Variants in NUGGC observed in about 807,000 individuals in gnomAD.
NUGGC encodes nuclear GTPase, germinal center associated.
Under a neutral mutation model 92.6 loss-of-function variants are expected in NUGGC, and 58 were observed. That is an observed-to-expected ratio of 0.63 (90% CI 0.51 to 0.78). The LOEUF is 0.78. NUGGC is among the 30% of genes least tolerant of loss of function. NUGGC has a pLI of 0.00. For missense variants in NUGGC, 925 were observed against 964.6 expected, an observed-to-expected ratio of 0.96 and a Z score of 0.54; for synonymous variants, 376 against 366.4, an observed-to-expected ratio of 1.03 and a Z score of -0.30.
chr8:28,065,675 G>A (rs1161913534), intron 6 of NUGGC, among the ~76,000 whole-genome samples: 1 of 152,094 alleles, frequency 6.6e-6, no homozygotes, highest in African/African-American at 2.4e-5. Flanking sequence ...GAGGACAGGG[G>A]ATTTGGGATG....
chr8:28,048,743 G>A (rs1275895043), intron 10 of NUGGC, among the ~76,000 whole-genome samples: 1 of 151,676 alleles, frequency 6.6e-6, no homozygotes, highest in Non-Finnish European at 1.5e-5. Flanking sequence ...CGCACTTGTA[G>A]TCGCAGCTAC....
At chr8:28,058,313 T>C (rs4336563) in intron 8 of NUGGC, 37 bp from the exon 9 acceptor site, 431,968 of 434,576 alleles carry the variant, frequency 0.99, 214,739 homozygotes, top group South Asian at 1. Context: ...AATTACTTAA[T>C]TTTTACTATG....
At chr8:28,056,091 A>G (rs758606680) in intron 9 of NUGGC, 37 bp from the exon 10 acceptor site, 5 of 1,223,222 alleles carry the variant, frequency 4.1e-6, no homozygotes, top group Middle Eastern at 3.8e-4. Context: ...TGCAGAGAGT[A>G]GCGTTATCAA....
chr8:28,069,258 G>T (rs1810524539), intron 4 of NUGGC, among the ~76,000 whole-genome samples: 1 of 152,072 alleles, frequency 6.6e-6, no homozygotes, highest in African/African-American at 2.4e-5. Context: ...TCACATCTGG[G>T]CCTCTCTGAG....
intron 1 of NUGGC, among the ~76,000 whole-genome samples, chr8:28,082,027 G>C (rs1810864168): frequency 6.6e-6 from 1 of 152,178 alleles, no homozygotes; most frequent in Admixed American, 6.5e-5. Context: ...CTTTGAGTTT[G>C]GGTTTAGGTT....
intron 18 of NUGGC, 61 bp downstream of exon 18, chr8:28,026,901 A>T (rs1188821670): frequency 9.8e-6 from 11 of 1,123,994 alleles, no homozygotes; most frequent in Non-Finnish European, 1.5e-5. Flanking sequence ...TTCAGGAAGG[A>T]GTAACCACAG....
At chr8:28,075,968 C>G (rs1346386236) in intron 1 of NUGGC, among the ~76,000 whole-genome samples, 1 of 152,244 alleles carries the variant, frequency 6.6e-6, no homozygotes, top group Non-Finnish European at 1.5e-5. Context: ...CCCTTCCCTT[C>G]TTCTCGCAGG....
intron 9 of NUGGC, among the ~76,000 whole-genome samples, 177 bp downstream of exon 9, chr8:28,058,081 A>G (rs1284567865): frequency 6.6e-6 from 1 of 151,900 alleles, no homozygotes; most frequent in Non-Finnish European, 1.5e-5. Context: ...AATCCCAGCT[A>G]CTCTGGAGGC....
chr8:28,033,794 C>T, intron 13 of NUGGC, 97 bp from the exon 14 acceptor site: 1 of 1,036,970 alleles, frequency 9.6e-7, no homozygotes, highest in South Asian at 1.4e-5. Flanking sequence ...TACCAAGAAT[C>T]ACAGGAAAGT....
At chr8:28,027,108 T>A (rs1375222786) in intron 17 of NUGGC, 56 bp from the exon 18 acceptor site, 7 of 1,413,796 alleles carry the variant, frequency 5.0e-6, no homozygotes, top group Non-Finnish European at 6.0e-6. Flanking sequence ...GAAAAGTGGA[T>A]CTTATAAAAG....
At chr8:28,075,052 G>A (rs928451056) in intron 1 of NUGGC, among the ~76,000 whole-genome samples, 1 of 152,292 alleles carries the variant, frequency 6.6e-6, no homozygotes, top group Non-Finnish European at 1.5e-5. Context: ...ATATAGCTTC[G>A]CTGCTTTGGG....
intron 8 of NUGGC, 27 bp from the exon 9 acceptor site, chr8:28,058,303 A>G: frequency 2.0e-6 from 1 of 488,632 alleles, no homozygotes; most frequent in Non-Finnish European, 3.3e-6. Context: ...AAAATGTAAC[A>G]ATTACTTAAT....
intron 9 of NUGGC, among the ~76,000 whole-genome samples, chr8:28,056,476 T>C (rs1331748277): frequency 1.4e-5 from 2 of 138,794 alleles, no homozygotes; most frequent in Non-Finnish European, 3.1e-5. Flanking sequence ...AGACTGTATC[T>C]CAAAAAAAAA....
chr8:28,076,099 C>T (rs1036595226), intron 1 of NUGGC, among the ~76,000 whole-genome samples: 2 of 152,210 alleles, frequency 1.3e-5, no homozygotes, highest in African/African-American at 2.4e-5. Context: ...ATAACACTGA[C>T]TGTGCTGTGC....
chr8:28,079,352 C>T (rs1413810765), intron 1 of NUGGC, among the ~76,000 whole-genome samples: 1 of 152,050 alleles, frequency 6.6e-6, no homozygotes, highest in East Asian at 1.9e-4. Flanking sequence ...CCAGCCTGAC[C>T]AGCATGGTGA....
At chr8:28,024,573 C>T (rs1374626892) in intron 18 of NUGGC, among the ~76,000 whole-genome samples, 2 of 152,220 alleles carry the variant, frequency 1.3e-5, no homozygotes, top group East Asian at 3.9e-4. Flanking sequence ...AGGACGCTGA[C>T]TAATTGCAGT....
At chr8:28,077,406 A>G (rs1006314403) in intron 1 of NUGGC, among the ~76,000 whole-genome samples, 1 of 151,842 alleles carries the variant, frequency 6.6e-6, no homozygotes, top group African/African-American at 2.4e-5. Flanking sequence ...AAAAAAAAAA[A>G]AAAGAAAGAA....
chr8:28,060,890 T>A (rs1329620209), intron 7 of NUGGC, among the ~76,000 whole-genome samples: 1 of 152,186 alleles, frequency 6.6e-6, no homozygotes, highest in Non-Finnish European at 1.5e-5. Flanking sequence ...TGGACTTACC[T>A]CAAGCAGCGC....
At chr8:28,035,350 C>G (rs2130098650) in intron 13 of NUGGC, among the ~76,000 whole-genome samples, 1 of 152,310 alleles carries the variant, frequency 6.6e-6, no homozygotes. Context: ...TCTCAGGGAT[C>G]TGTGGGTCAG....
Sources: gnomAD v4.1 joint callset for allele counts (sites outside exome capture counted in the v4.1 genomes callset) on GRCh38, gnomAD v4.1.1 for gene constraint, MANE v1.5 for transcripts, NCBI Gene and HGNC (gene_info 2026-07-23, HGNC 2026-07-21) for gene names.